SLC25A21: variants seen among roughly 807,000 people sequenced by gnomAD.
SLC25A21 encodes mitochondrial 2-oxodicarboxylate carrier.
Under a neutral mutation model 43.8 loss-of-function variants are expected in SLC25A21, and 47 were observed. The observed-to-expected ratio is 1.07, with a 90% CI of 0.85 to 1.37. SLC25A21 has a LOEUF of 1.37. Ranked by LOEUF, SLC25A21 falls within the 40% of genes most tolerant of loss-of-function variation. The pLI, the probability that SLC25A21 is intolerant of heterozygous loss-of-function variation, is 0.00. For synonymous variants in SLC25A21, 131 were observed against 121.3 expected, an observed-to-expected ratio of 1.08 and a Z score of -0.52; for missense variants, 352 against 350.2, an observed-to-expected ratio of 1.00 and a Z score of -0.04.
Position 36,786,057 on chromosome 14 carries a change from T to A in SLC25A21, c.203+27861A>T, listed in dbSNP as rs559241848. Among the ~76,000 whole-genome samples the A allele has an allele frequency of 2.6e-5, 4 of 152,364 alleles. No individual in the cohort carries two copies. In the South Asian group the frequency reaches 8.3e-4, roughly 32 times the overall value. On this transcript the variant is annotated intron_variant, in intron 3 of 9. Coordinates refer to ENST00000331299, the MANE Select transcript of SLC25A21 (RefSeq NM_030631.4). Reference sequence around the variant, plus strand: ...AGTCAGATCCTGCCCATGGGTTTGATCCTTGGGAAGCACCCTAGTGTATAA... The same window carrying A: ...AGTCAGATCCTGCCCATGGGTTTGAACCTTGGGAAGCACCCTAGTGTATAA...
chr14:37,089,025 C>A (rs1421781466), intron 1 of SLC25A21, among the ~76,000 whole-genome samples: 1 of 152,114 alleles, frequency 6.6e-6, no homozygotes, highest in Admixed American at 6.5e-5. Context: ...CTCTGACTTC[C>A]GCCGTAAGCG....
intron 3 of SLC25A21, among the ~76,000 whole-genome samples, chr14:36,754,297 A>T (rs767757873): frequency 6.6e-6 from 1 of 152,164 alleles, no homozygotes; most frequent in African/African-American, 2.4e-5. Flanking sequence ...GCCTGAGCTC[A>T]GCCTTTAAAC....
intron 2 of SLC25A21, among the ~76,000 whole-genome samples, chr14:36,853,153 G>A (rs1889794684): frequency 6.6e-6 from 1 of 152,178 alleles, no homozygotes; most frequent in Non-Finnish European, 1.5e-5. Flanking sequence ...TAATTAAATT[G>A]TTCATTTGAA....
chr14:36,787,109 C>T (rs848115), intron 3 of SLC25A21, among the ~76,000 whole-genome samples: 24,861 of 152,100 alleles, frequency 0.16, 2,238 homozygotes, highest in Middle Eastern at 0.24. Context: ...CCTGGGTGAG[C>T]TGGATTCACA....
chr14:36,918,151 A>G (rs1891881962), intron 1 of SLC25A21, among the ~76,000 whole-genome samples: 1 of 152,156 alleles, frequency 6.6e-6, no homozygotes, highest in East Asian at 1.9e-4. Flanking sequence ...TCCTACCCTC[A>G]GGCAGGCTTT....
At chr14:36,864,062 CT>C (rs1890145760) in intron 2 of SLC25A21, among the ~76,000 whole-genome samples, 1 of 152,204 alleles carries the variant, frequency 6.6e-6, no homozygotes, top group Non-Finnish European at 1.5e-5. Context: ...CTCAAACCCT[CT>C]GCCTTTCTCC....
At chr14:36,743,682 C>A (rs547078105) in intron 3 of SLC25A21, among the ~76,000 whole-genome samples, 4 of 152,030 alleles carry the variant, frequency 2.6e-5, no homozygotes, top group Non-Finnish European at 5.9e-5. Context: ...TCATATTCAA[C>A]GTAGTACTGG....
chr14:37,081,768 C>T lies in SLC25A21; in HGVS notation c.70+90513G>A, dbSNP rs150682486. Among the ~76,000 whole-genome samples the T allele has an allele frequency of 1.4e-3, 209 of 152,246 alleles. 2 individuals carry two copies. Among genetic ancestry groups the T allele is most frequent in the African/African-American group, 4.7e-3 (194 of 41,538 alleles). On this transcript the variant is annotated intron_variant, in intron 1 of 9. Coordinates refer to ENST00000331299, the MANE Select transcript of SLC25A21 (RefSeq NM_030631.4). Reference sequence around the variant, plus strand: ...AGCATAGGAATTATACAGTAAGATGCTGCAATAAAGACAAAACTATGGAAA... The same window carrying T: ...AGCATAGGAATTATACAGTAAGATGTTGCAATAAAGACAAAACTATGGAAA...
chr14:36,928,809 T>C (rs1892204843), intron 1 of SLC25A21, among the ~76,000 whole-genome samples: 1 of 152,160 alleles, frequency 6.6e-6, no homozygotes. Context: ...AAAATCATTC[T>C]GAAGAAATGT....
At chr14:36,884,085 T>C (rs925632282) in intron 1 of SLC25A21, among the ~76,000 whole-genome samples, 6 of 152,172 alleles carry the variant, frequency 3.9e-5, no homozygotes, top group African/African-American at 1.4e-4. Flanking sequence ...GAAACTTATT[T>C]CTACTGCCTT....
intron 1 of SLC25A21, among the ~76,000 whole-genome samples, chr14:37,097,416 G>A (rs571203109): frequency 6.6e-5 from 10 of 152,166 alleles, no homozygotes; most frequent in South Asian, 2.1e-4. Context: ...GTTTTCTTGC[G>A]TTAAGGGTTG....
At chr14:36,980,078 T>G (rs2138698180) in intron 1 of SLC25A21, among the ~76,000 whole-genome samples, 1 of 152,334 alleles carries the variant, frequency 6.6e-6, no homozygotes, top group Non-Finnish European at 1.5e-5. Flanking sequence ...CTCTGCTTAC[T>G]TACGAAAGTA....
intron 1 of SLC25A21, among the ~76,000 whole-genome samples, chr14:37,094,145 A>C (rs1280449544): frequency 1.3e-5 from 2 of 152,218 alleles, no homozygotes; most frequent in African/African-American, 4.8e-5. Context: ...CATCATAGCA[A>C]TGTGAACAAG....
At chr14:37,035,174 T>A (rs909316748) in intron 1 of SLC25A21, among the ~76,000 whole-genome samples, 2 of 152,320 alleles carry the variant, frequency 1.3e-5, no homozygotes, top group Admixed American at 1.3e-4. Context: ...TATGGTTCTG[T>A]TTTTAGCTGC....
intron 1 of SLC25A21, among the ~76,000 whole-genome samples, chr14:36,992,376 C>A (rs917065172): frequency 2.6e-5 from 4 of 152,050 alleles, no homozygotes; most frequent in African/African-American, 9.7e-5. Flanking sequence ...CTGCACTCCC[C>A]CGCCTGGGAG....
intron 2 of SLC25A21, among the ~76,000 whole-genome samples, chr14:36,821,137 C>A (rs545938320): frequency 6.6e-6 from 1 of 152,148 alleles, no homozygotes; most frequent in Admixed American, 6.5e-5. Flanking sequence ...TGTGTACACA[C>A]CGACCTCACC....
chr14:37,094,313 C>T (rs1962644875), intron 1 of SLC25A21, among the ~76,000 whole-genome samples: 1 of 152,156 alleles, frequency 6.6e-6, no homozygotes, highest in Non-Finnish European at 1.5e-5. Context: ...AACAATCAGA[C>T]ACAAAAAGGT....
intron 1 of SLC25A21, among the ~76,000 whole-genome samples, chr14:36,982,579 C>T (rs1960053030): frequency 6.6e-6 from 1 of 151,966 alleles, no homozygotes; most frequent in South Asian, 2.1e-4. Context: ...CTTTGGGAGG[C>T]CAAGGCAGAT....
intron 1 of SLC25A21, among the ~76,000 whole-genome samples, chr14:36,930,592 C>T (rs1892260224): frequency 6.6e-6 from 1 of 152,096 alleles, no homozygotes; most frequent in African/African-American, 2.4e-5. Context: ...TCTAACCCCA[C>T]CCCCAGCCCC....
Sources: gnomAD v4.1 joint callset for allele counts (sites outside exome capture counted in the v4.1 genomes callset) on GRCh38, gnomAD v4.1.1 for gene constraint, MANE v1.5 for transcripts, NCBI Gene and HGNC (gene_info 2026-07-23, HGNC 2026-07-21) for gene names.